TPCN1: variants seen among roughly 807,000 people sequenced by gnomAD.
TPCN1 encodes two pore channel protein 1.
A neutral mutation model predicts 108.8 loss-of-function variants in TPCN1; 52 were observed. The ratio of observed to expected loss-of-function variants is 0.48; its 90% CI spans 0.38 to 0.60. TPCN1 has a LOEUF of 0.60. TPCN1 is among the 20% of genes least tolerant of loss of function. The pLI, the probability that TPCN1 is intolerant of heterozygous loss-of-function variation, is 0.00. For missense variants in TPCN1, 806 were observed against 1,072.8 expected (o/e 0.75, Z 3.47); for synonymous variants, 446 against 433.7 (o/e 1.03, Z -0.35).
chr12:113,222,814 C>A (rs776796978), intron 1 of TPCN1, among the ~76,000 whole-genome samples: 1 of 151,954 alleles, frequency 6.6e-6, no homozygotes, highest in Non-Finnish European at 1.5e-5. Flanking sequence ...GTTGGACAGC[C>A]GTGAGTTAAA....
Position 113,246,731 on chromosome 12 carries a change from C to T in TPCN1, c.113-13637C>T, listed in dbSNP as rs1954405065. Among the ~76,000 whole-genome samples, 3 of 152,180 alleles carry T rather than the reference C, an allele frequency of 2.0e-5. No homozygotes were observed. The South Asian group carries it at 6.2e-4, about 32-fold the overall frequency. On this transcript the variant is annotated intron_variant, in intron 2 of 27. Transcript: ENST00000335509. ...TGGGCCCCTGCGACGTGCCCCAGTT[C>T]CTGCCTTTCCAGCTGGCCTGGAAGA...
rs1566188778 is a variant in TPCN1, at chr12:113,279,295, A to ATGTGTGTGTGTGTATATATATATATGTG, written c.1297+483_1297+484insATGTGTGTGTGTGTGTGTATATATATAT. ...TCTGCCTTTTCATCCAATAACACAT[A>ATGTGTGTGTGTGTATATATATATATGTG]TGTGTGTGTGTGTATATATATATGT... On this transcript the variant is annotated intron_variant, in intron 14 of 27. Transcript: ENST00000335509. 3.9e-4 allele frequency among the ~76,000 whole-genome samples: 53 copies of ATGTGTGTGTGTGTATATATATATATGTG among 134,448 alleles called. 1 individual carries two copies. The East Asian group carries it at 5.7e-3, about 15-fold the overall frequency. 88.2% of individuals were successfully genotyped at this position (134,448 alleles called of 152,430 possible).
chr12:113,223,125 C>T (rs1320895073), intron 1 of TPCN1, among the ~76,000 whole-genome samples: 3 of 152,154 alleles, frequency 2.0e-5, no homozygotes, highest in East Asian at 1.9e-4. Context: ...CAAAATAAAT[C>T]CCCAGATCTG....
rs1593229735 is a variant in TPCN1 at position 113,298,568 on chromosome 12, G to A, written c.*2492G>A. On this transcript the variant is annotated 3_prime_UTR_variant, in exon 28 of 28. Transcript: ENST00000335509. ...CTGGATTTCTAGCACATTACTAAAA[G>A]AGCCTCTGCTTTGTAAACATGGCTG... 6.6e-6 allele frequency: 1 copy of A among 152,386 alleles called. No homozygotes were observed. Among genetic ancestry groups the A allele is most frequent in the East Asian group, 1.9e-4 (1 of 5,190 alleles). 9.4% of individuals were successfully genotyped at this position (152,386 alleles called of 1,614,324 possible). A position where few individuals can be genotyped will look rare whatever the true frequency, so the allele number is the denominator to read the frequency against.
rs948072572 is a variant in TPCN1 at position 113,225,659 on chromosome 12, A to C, written c.-125-1069A>C. Among the ~76,000 whole-genome samples the C allele has an allele frequency of 2.0e-5, 3 of 152,016 alleles. No individual in the cohort carries two copies. The East Asian group carries it at 5.8e-4, about 29-fold the overall frequency. ...AACCTCTGCCTTCCGGGTTCAAGCG[A>C]TTCTCCTGCCTCAGCTTCTTGAGTA... On this transcript the variant is annotated intron_variant, in intron 1 of 27. Transcript: ENST00000335509.
In TPCN1 at chr12:113,284,897, C is replaced by CT; in HGVS notation, c.1453+127dup. 1 of 1,069,024 alleles carries CT rather than the reference C, an allele frequency of 9.4e-7. No individual in the cohort carries two copies. Among genetic ancestry groups the CT allele is most frequent in the Non-Finnish European group, 1.4e-6 (1 of 708,822 alleles). 66.2% of individuals were successfully genotyped at this position (1,069,024 alleles called of 1,614,324 possible). A position where few individuals can be genotyped will look rare whatever the true frequency, so the allele number is the denominator to read the frequency against. On this transcript the variant is annotated intron_variant, in intron 17 of 27. Coordinates refer to ENST00000335509, the MANE Select transcript of TPCN1 (RefSeq NM_017901.6). This position sits in a 1 kb window ranked among gnomAD's most constrained non-coding sequence, Gnocchi z 4.1. ...GCTATAAAGAGACGGAGTAATCAGT[C>CT]TGATTCCATCTCGTCCCCGTTTAAA...
At position 113,231,515 on chromosome 12, in the gene TPCN1, G is replaced by A. The variant is rs1026783851; in HGVS notation, c.112+4551G>A. Among the ~76,000 whole-genome samples, 3 of 152,164 alleles carry A rather than the reference G, an allele frequency of 2.0e-5. No homozygotes were observed. The highest frequency in any genetic ancestry group is 7.2e-5 in the African/African-American group (3 of 41,424). ...ACAGTCACATTCTGAGCTACTGGGG[G>A]TTAGGACTTCAGCCTATGAATTTGA... On this transcript the variant is annotated intron_variant, in intron 2 of 27. Transcript: ENST00000335509. The surrounding 1 kb of genome is among the most constrained non-coding windows in gnomAD (Gnocchi z 4.3).
rs1954988687 is a variant in TPCN1 at position 113,260,493 on chromosome 12, G to T, written c.237+1G>T. ...CCAAGAGGCAGCAATCTACCTCCAG[G>T]TGAGTATCTCCAGTCAGGCCCTGGC... is the stretch of plus-strand genomic sequence containing the variant. On this transcript the variant is annotated splice_donor_variant, in intron 3 of 27. Transcript: ENST00000335509. LOFTEE classifies it high-confidence loss of function. 1 of 1,570,932 alleles carries T rather than the reference G, an allele frequency of 6.4e-7. No homozygotes were observed. Among genetic ancestry groups the T allele is most frequent in the Non-Finnish European group, 8.6e-7 (1 of 1,161,812 alleles).
At position 113,248,523 on chromosome 12, in the gene TPCN1, A is replaced by G. The variant is rs114584580; in HGVS notation, c.113-11845A>G. Among the ~76,000 whole-genome samples, 718 of 152,356 alleles carry G rather than the reference A, an allele frequency of 4.7e-3. 2 individuals are homozygous for G. The highest frequency in any genetic ancestry group is 0.016 in the African/African-American group (678 of 41,580). On this transcript the variant is annotated intron_variant, in intron 2 of 27. Transcript: ENST00000335509. ...TGGTCTCACCTTGTAGGGGAGGCCA[A>G]GGGTAGCCTCTGATAAAATGTTTGT...
At chr12:113,235,737 A>C (rs190234901) in intron 2 of TPCN1, among the ~76,000 whole-genome samples, 1 of 152,100 alleles carries the variant, frequency 6.6e-6, no homozygotes, top group Non-Finnish European at 1.5e-5. Flanking sequence ...GTATAACTCT[A>C]GAAGGGTTTA....
chr12:113,246,178 C>T (rs1566150890), intron 2 of TPCN1: 4 of 389,858 alleles, frequency 1.0e-5, no homozygotes, highest in Non-Finnish European at 1.6e-5. Flanking sequence ...TTTCTTTCCA[C>T]TCCTTCCCGT....
At chr12:113,247,952 G>C (rs751788719) in intron 2 of TPCN1, among the ~76,000 whole-genome samples, 2 of 152,218 alleles carry the variant, frequency 1.3e-5, no homozygotes, top group African/African-American at 2.4e-5. Flanking sequence ...CGTCCTGGGA[G>C]GGGGAGAATT....
chr12:113,275,397 C>T (rs1380345633), intron 10 of TPCN1, among the ~76,000 whole-genome samples: 1 of 151,606 alleles, frequency 6.6e-6, no homozygotes, highest in African/African-American at 2.4e-5. Flanking sequence ...GCACATGCCG[C>T]CACACCCGAC....
At chr12:113,240,288 G>A (rs1379559281) in intron 2 of TPCN1, among the ~76,000 whole-genome samples, 1 of 152,196 alleles carries the variant, frequency 6.6e-6, no homozygotes, top group African/African-American at 2.4e-5. Context: ...AAATGGAGGT[G>A]GCTTGGGAGA....
chr12:113,288,193 C>T lies in TPCN1; in HGVS notation c.1665C>T (p.Asn555=), dbSNP rs538285886. ...RLFKLKERYR[N]VLDTMFELLP... is the part of the protein sequence containing the mutation. ...TTAAGTTGAAGGAGCGCTACCGCAA[C>T]GTGCTGGACACCATGTTCGAGCTGC... Residue 555 remains asparagine, a synonymous_variant, in exon 20 of 28, where the codon AAC becomes AAT. Transcript: ENST00000335509. The surrounding 1 kb of genome is among the most constrained non-coding windows in gnomAD (Gnocchi z 4.8). 22 of 1,613,910 alleles carry T rather than the reference C, an allele frequency of 1.4e-5. No individual in the cohort carries two copies. The highest frequency in any genetic ancestry group is 1.0e-4 in the Admixed American group (6 of 59,996).
rs1015961563 is a variant in TPCN1, at chr12:113,232,582, C to A, written c.112+5618C>A. On this transcript the variant is annotated intron_variant, in intron 2 of 27. Coordinates refer to ENST00000335509, the MANE Select transcript of TPCN1 (RefSeq NM_017901.6). This position sits in a 1 kb window ranked among gnomAD's most constrained non-coding sequence, Gnocchi z 5.6. ...AGTGAAGAAGCCCAAGGGGCTTGCA[C>A]AGCTTTTGTCACTTGTGATACCATG... Among the ~76,000 whole-genome samples, 1 of 152,250 alleles carries A rather than the reference C, an allele frequency of 6.6e-6. No homozygotes were observed. Among genetic ancestry groups the A allele is most frequent in the African/African-American group, 2.4e-5 (1 of 41,470 alleles).
chr12:113,249,949 A>T (rs1369458784), intron 2 of TPCN1: 1 of 152,266 alleles, frequency 6.6e-6, no homozygotes, highest in Non-Finnish European at 1.5e-5. Context: ...TTCTTCTGAA[A>T]TGGGGATGCT....
chr12:113,229,148 A>G (rs1173803268), intron 2 of TPCN1, among the ~76,000 whole-genome samples: 1 of 152,246 alleles, frequency 6.6e-6, no homozygotes, highest in Admixed American at 6.5e-5. Flanking sequence ...GGCTGCTTTT[A>G]TCTTGGCAAA....
At chr12:113,293,244 C>T (rs1029243814) in intron 26 of TPCN1, 25 bp from the exon 27 acceptor site, 1 of 1,612,148 alleles carries the variant, frequency 6.2e-7, no homozygotes, top group Admixed American at 1.7e-5. Context: ...TGCAGCCGAG[C>T]CCTGCAGCCT....
Sources: gnomAD v4.1 joint callset for allele counts (sites outside exome capture counted in the v4.1 genomes callset) on GRCh38, gnomAD v4.1.1 for gene constraint, Gnocchi (gnomAD v3.1) non-coding constraint, MANE v1.5 for transcripts, NCBI Gene and HGNC (gene_info 2026-07-23, HGNC 2026-07-21) for gene names.